EPHA6: variants seen among roughly 807,000 people sequenced by gnomAD.
EPHA6 encodes the protein EPH receptor A6, also known as ephrin type-A receptor 6.
Under a neutral mutation model 112.0 loss-of-function variants are expected in EPHA6, and 50 were observed. The observed-to-expected ratio is 0.45, with a 90% confidence interval of 0.36 to 0.56. The LOEUF (loss-of-function observed/expected upper bound fraction) is 0.56, where lower values mean the gene tolerates loss of function less well. Among genes scored for constraint, EPHA6 ranks in the 20% least tolerant of loss-of-function variants. The pLI is 0.00. For synonymous variants in EPHA6, 529 were observed against 490.7 expected (o/e 1.08, Z -1.03); for missense variants, 1,280 against 1,417.4 (o/e 0.90, Z 1.56).
intron 3 of EPHA6, among the ~76,000 whole-genome samples, chr3:97,116,009 T>C (rs1172272063): frequency 6.6e-6 from 1 of 151,782 alleles, no homozygotes; most frequent in East Asian, 1.9e-4. Flanking sequence ...AAAGGCAAAC[T>C]GAAGATAATT....
chr3:97,307,587 G>C (rs982953716), intron 5 of EPHA6, among the ~76,000 whole-genome samples: 2 of 149,016 alleles, frequency 1.3e-5, no homozygotes, highest in Non-Finnish European at 3.0e-5. Context: ...GGAAATACTA[G>C]TTTTGTCTTT....
chr3:97,405,012 T>C, intron 5 of EPHA6, 138 bp from the exon 6 acceptor site: 1 of 874,520 alleles, frequency 1.1e-6, no homozygotes, highest in Non-Finnish European at 1.7e-6. Context: ...ATCGTAAGGC[T>C]ATCTTATTAA....
chr3:97,137,598 A>G (rs1445403331), intron 3 of EPHA6, among the ~76,000 whole-genome samples: 1 of 152,182 alleles, frequency 6.6e-6, no homozygotes, highest in East Asian at 1.9e-4. Context: ...ACCATCAAGT[A>G]ATTTATTGAT....
chr3:97,233,508 C>G (rs2078593837), intron 4 of EPHA6, among the ~76,000 whole-genome samples: 1 of 152,058 alleles, frequency 6.6e-6, no homozygotes, highest in Non-Finnish European at 1.5e-5. Flanking sequence ...GTCAATCTTT[C>G]CTGTTTTTCA....
intron 15 of EPHA6, among the ~76,000 whole-genome samples, chr3:97,728,326 G>GA (rs1243145267): frequency 5.3e-5 from 8 of 150,332 alleles, no homozygotes; most frequent in South Asian, 2.1e-4. Flanking sequence ...GCTTCTTAAA[G>GA]AAAAAAAAAT....
intron 2 of EPHA6, among the ~76,000 whole-genome samples, chr3:96,890,218 A>C (rs2037875525): frequency 6.6e-6 from 1 of 152,158 alleles, no homozygotes; most frequent in Non-Finnish European, 1.5e-5. Context: ...AGAACAGCAA[A>C]AGGCAACACA....
intron 5 of EPHA6, among the ~76,000 whole-genome samples, chr3:97,277,363 C>T (rs1041933485): frequency 1.3e-5 from 2 of 151,980 alleles, no homozygotes; most frequent in African/African-American, 4.8e-5. Context: ...AGCTTTTGAG[C>T]TGGGATGAGC....
intron 6 of EPHA6, among the ~76,000 whole-genome samples, chr3:97,425,562 T>G (rs1577355757): frequency 6.6e-6 from 1 of 152,160 alleles, no homozygotes; most frequent in East Asian, 1.9e-4. Context: ...CATGAAAACA[T>G]TCTTTTCTCC....
chr3:97,706,817 C>T (rs1179894294), intron 14 of EPHA6, among the ~76,000 whole-genome samples: 1 of 150,500 alleles, frequency 6.6e-6, no homozygotes, highest in African/African-American at 2.4e-5. Flanking sequence ...CCAATTGAAT[C>T]TGGTACAAAC....
intron 11 of EPHA6, among the ~76,000 whole-genome samples, chr3:97,566,832 C>T (rs142209974): frequency 2.6e-5 from 4 of 152,104 alleles, no homozygotes; most frequent in Non-Finnish European, 2.9e-5. Context: ...AAACATCTAC[C>T]CTATTCAATT....
At chr3:97,421,516 T>G (rs999741420) in intron 6 of EPHA6, among the ~76,000 whole-genome samples, 1 of 152,168 alleles carries the variant, frequency 6.6e-6, no homozygotes, top group Admixed American at 6.5e-5. Context: ...AGCCCACATT[T>G]GTAAATAAGA....
At chr3:97,215,048 A>G (rs1012926947) in intron 3 of EPHA6, among the ~76,000 whole-genome samples, 1 of 152,248 alleles carries the variant, frequency 6.6e-6, no homozygotes, top group Admixed American at 6.5e-5. Flanking sequence ...CTAAACTTAC[A>G]GGCTATTGAA....
At chr3:97,204,848 G>T (rs1292348037) in intron 3 of EPHA6, among the ~76,000 whole-genome samples, 3 of 152,094 alleles carry the variant, frequency 2.0e-5, no homozygotes, top group Admixed American at 2.0e-4. Flanking sequence ...ATTTACAACA[G>T]GCATTTTGCC....
chr3:97,371,941 G>C (rs921846424), intron 5 of EPHA6, among the ~76,000 whole-genome samples: 10 of 152,206 alleles, frequency 6.6e-5, no homozygotes, highest in Middle Eastern at 3.4e-3. Context: ...ATTTTGGTCA[G>C]AACGGTTGTC....
intron 14 of EPHA6, among the ~76,000 whole-genome samples, chr3:97,700,243 G>A (rs2033300145): frequency 6.6e-6 from 1 of 152,214 alleles, no homozygotes; most frequent in African/African-American, 2.4e-5. Flanking sequence ...CAAGAAAGAT[G>A]TTGCTGTAGA....
chr3:96,893,132 G>A (rs1467391567), intron 2 of EPHA6, among the ~76,000 whole-genome samples: 1 of 151,992 alleles, frequency 6.6e-6, no homozygotes, highest in Non-Finnish European at 1.5e-5. Context: ...CATTACTCCT[G>A]TATTTGTGGT....
chr3:96,994,258 C>A, intron 3 of EPHA6: 1 of 369,564 alleles, frequency 2.7e-6, no homozygotes. Flanking sequence ...TATTTTAGTC[C>A]TCTTTCAAAT....
chr3:97,698,410 G>T (rs557741081), intron 14 of EPHA6, among the ~76,000 whole-genome samples: 31 of 144,934 alleles, frequency 2.1e-4, no homozygotes, highest in Non-Finnish European at 3.2e-4. Flanking sequence ...TGAATTAAAG[G>T]TTTTTTTTTT....
intron 3 of EPHA6, among the ~76,000 whole-genome samples, chr3:96,988,430 G>A (rs182193189): frequency 6.6e-6 from 1 of 152,136 alleles, no homozygotes; most frequent in East Asian, 1.9e-4. Flanking sequence ...GCAACAAAAA[G>A]CAATGAGATT....
Sources: allele counts gnomAD v4.1 joint callset (sites outside exome capture counted in the v4.1 genomes callset), GRCh38; gene constraint gnomAD v4.1.1; transcripts MANE v1.5; gene names NCBI Gene and HGNC (gene_info 2026-07-23, HGNC 2026-07-21).